The following UFSP2 variants were observed in gnomAD, a reference collection of about 807,000 sequenced individuals.
UFSP2 encodes the protein ufm1-specific protease 2.
UFSP2 carries 43 observed loss-of-function variants against 60.2 expected under a neutral mutation model. The ratio of observed to expected loss-of-function variants is 0.71; its 90% CI spans 0.56 to 0.92. The LOEUF (loss-of-function observed/expected upper bound fraction) is 0.92, where lower values mean the gene tolerates loss of function less well. UFSP2 is among the 40% of genes least tolerant of loss of function. The probability of loss-of-function intolerance (pLI) is 0.00; values close to 1 mark genes in which losing one functional copy is unlikely to be tolerated. For synonymous variants in UFSP2, 183 were observed against 195.1 expected, an observed-to-expected ratio of 0.94 and a Z score of 0.52; for missense variants, 520 against 575.0, an observed-to-expected ratio of 0.90 and a Z score of 0.98.
intron 4 of UFSP2, among the ~76,000 whole-genome samples, chr4:185,417,408 A>G (rs954455701): frequency 2.0e-5 from 3 of 152,174 alleles, no homozygotes; most frequent in Non-Finnish European, 2.9e-5. Flanking sequence ...ACATGGCCCA[A>G]ACCAACTTCA....
chr4:185,415,075 T>G, intron 6 of UFSP2, 80 bp downstream of exon 6: 1 of 1,190,418 alleles, frequency 8.4e-7, no homozygotes, highest in Non-Finnish European at 1.2e-6. Context: ...ATACCTTCCA[T>G]TTAGTGGAAA....
chr4:185,422,607 A>C (rs748180426), intron 1 of UFSP2, 44 bp from the exon 2 acceptor site: 1 of 1,289,370 alleles, frequency 7.8e-7, no homozygotes. Context: ...GTAAAACAAA[A>C]CAAACTCATA....
chr4:185,406,577 T>C (rs984984349), intron 9 of UFSP2, among the ~76,000 whole-genome samples: 2 of 152,164 alleles, frequency 1.3e-5, no homozygotes, highest in Admixed American at 6.5e-5. Context: ...CATTGTTTTA[T>C]ATTATTATTA....
At chr4:185,401,465 A>ATT (rs1205579658) in intron 11 of UFSP2, among the ~76,000 whole-genome samples, 1 of 152,146 alleles carries the variant, frequency 6.6e-6, no homozygotes, top group Non-Finnish European at 1.5e-5. Flanking sequence ...CCAGATCCAG[A>ATT]TTTTTTAAAG....
At chr4:185,425,133 A>G (rs958932062) in intron 1 of UFSP2, among the ~76,000 whole-genome samples, 1 of 152,202 alleles carries the variant, frequency 6.6e-6, no homozygotes, top group African/African-American at 2.4e-5. Context: ...ATAGGACTTG[A>G]TTATTGACTG....
intron 2 of UFSP2, among the ~76,000 whole-genome samples, 154 bp from the exon 3 acceptor site, chr4:185,418,924 A>G (rs1293151054): frequency 6.6e-6 from 1 of 152,210 alleles, no homozygotes; most frequent in East Asian, 1.9e-4. Context: ...TCTTTTTAAA[A>G]AAGTCTGTGA....
intron 10 of UFSP2, among the ~76,000 whole-genome samples, chr4:185,403,973 A>C (rs1409794063): frequency 2.7e-5 from 4 of 149,842 alleles, no homozygotes; most frequent in Non-Finnish European, 5.9e-5. Flanking sequence ...TCTCAAAAAA[A>C]AAAACAAAAA....
intron 1 of UFSP2, among the ~76,000 whole-genome samples, chr4:185,424,084 T>C (rs937739552): frequency 1.3e-5 from 2 of 151,828 alleles, no homozygotes; most frequent in African/African-American, 4.8e-5. Flanking sequence ...GAGGATCACT[T>C]TGAGCCCAGG....
chr4:185,424,821 T>G (rs1380782789), intron 1 of UFSP2, among the ~76,000 whole-genome samples: 1 of 152,212 alleles, frequency 6.6e-6, no homozygotes, highest in Non-Finnish European at 1.5e-5. Flanking sequence ...TTCTCTTCTG[T>G]AAAACTGGAA....
chr4:185,402,783 C>T (rs1331048236), intron 11 of UFSP2, among the ~76,000 whole-genome samples: 2 of 152,152 alleles, frequency 1.3e-5, no homozygotes, highest in Admixed American at 6.6e-5. Flanking sequence ...GCTTAAAACT[C>T]TTTAACATAT....
At chr4:185,413,609 T>C (rs974697517) in intron 7 of UFSP2, 117 bp downstream of exon 7, 9 of 1,037,368 alleles carry the variant, frequency 8.7e-6, no homozygotes, top group Non-Finnish European at 1.1e-5. Context: ...AGATGGGTGA[T>C]AAATCATGTT....
Position 185,408,445 on chromosome 4 carries a change from G to C in UFSP2, c.832-10C>G. On this transcript the variant is annotated splice_polypyrimidine_tract_variant and intron_variant, in intron 7 of 11. Transcript: ENST00000264689. ...CCTGGACCACATAAATCTATATACAGAGAAGAAACACAGTAAAATATTAAC... is the reference window on the plus strand; with the variant it reads ...CCTGGACCACATAAATCTATATACACAGAAGAAACACAGTAAAATATTAAC... 1 of 1,610,650 alleles carries C rather than the reference G, an allele frequency of 6.2e-7. No individual in the cohort carries two copies. The highest frequency in any genetic ancestry group is 1.1e-5 in the South Asian group (1 of 90,726).
intron 2 of UFSP2, among the ~76,000 whole-genome samples, chr4:185,420,608 T>A (rs1016158617): frequency 2.0e-5 from 3 of 152,222 alleles, no homozygotes; most frequent in African/African-American, 7.2e-5. Flanking sequence ...TATTTTGATA[T>A]GTTTCAGAAA....
rs1469980160 is a variant in UFSP2 at position 185,407,333 on chromosome 4, C to T, written c.1121+603G>A. Among the ~76,000 whole-genome samples the T allele has an allele frequency of 3.3e-5, 5 of 152,090 alleles. No homozygotes were observed. The East Asian group carries it at 9.7e-4, about 29-fold the overall frequency. ...CCTCCCAAAGTGCTACGATTACAGG[C>T]GTGAGCCACTGCACCTGGCTAGAAA... On this transcript the variant is annotated intron_variant, in intron 9 of 11. Transcript: ENST00000264689.
At chr4:185,416,964 G>A (rs1241818266) in intron 4 of UFSP2, among the ~76,000 whole-genome samples, 1 of 152,184 alleles carries the variant, frequency 6.6e-6, no homozygotes, top group Non-Finnish European at 1.5e-5. Flanking sequence ...GATGCTAAAA[G>A]TGGTGGGTCA....
At chr4:185,417,362 C>G (rs995826529) in intron 4 of UFSP2, among the ~76,000 whole-genome samples, 6 of 152,222 alleles carry the variant, frequency 3.9e-5, no homozygotes, top group Non-Finnish European at 8.8e-5. Flanking sequence ...ATCTGTAAAT[C>G]TAACAGCTCA....
chr4:185,403,368 C>T, intron 11 of UFSP2, 126 bp downstream of exon 11: 1 of 1,240,776 alleles, frequency 8.1e-7, no homozygotes, highest in Non-Finnish European at 1.1e-6. Context: ...ACAACAGCCT[C>T]AGAAGGCCTC....
At position 185,408,258 on chromosome 4, in the gene UFSP2, G is replaced by A. The variant is rs143467398; in HGVS notation, c.996+13C>T. 1,712 of 1,612,214 alleles carry A rather than the reference G, an allele frequency of 1.1e-3. 11 individuals are homozygous for A. The African/African-American group carries it at 0.019, about 18-fold the overall frequency. ...ATACAGTTGATTATAATTTAAAACG[G>A]TATGTTCTGTACCTGCTGAATTTCT... On this transcript the variant is annotated intron_variant, in intron 8 of 11. Coordinates refer to ENST00000264689, the MANE Select transcript of UFSP2 (RefSeq NM_018359.5).
chr4:185,412,451 AAG>A (rs1580063329), intron 7 of UFSP2, among the ~76,000 whole-genome samples: 1 of 152,230 alleles, frequency 6.6e-6, no homozygotes, highest in East Asian at 1.9e-4. Flanking sequence ...TTTAATTCTT[AAG>A]ATTTCCTCAA....
Sources: gnomAD v4.1 joint callset for allele counts (sites outside exome capture counted in the v4.1 genomes callset) on GRCh38, gnomAD v4.1.1 for gene constraint, MANE v1.5 for transcripts, NCBI Gene and HGNC (gene_info 2026-07-23, HGNC 2026-07-21) for gene names.